The following LIPA variants were observed in gnomAD, a reference collection of about 807,000 sequenced individuals.
LIPA encodes the protein lysosomal acid lipase/cholesteryl ester hydrolase.
In LIPA, 26 loss-of-function variants were observed where a neutral mutation model predicts 40.6. The ratio of observed to expected loss-of-function variants is 0.64; its 90% confidence interval spans 0.47 to 0.89. LIPA has a LOEUF of 0.89. LIPA is among the 40% of genes least tolerant of loss of function. The pLI is 0.00. For synonymous variants in LIPA, 188 were observed against 168.4 expected (o/e 1.12, Z -0.90); for missense variants, 455 against 479.6 (o/e 0.95, Z 0.48).
chr10:89,395,473 C>T (rs1564808076), intron 2 of LIPA, among the ~76,000 whole-genome samples: 2 of 152,156 alleles, frequency 1.3e-5, no homozygotes, highest in East Asian at 1.9e-4. Context: ...TGTTATTTCA[C>T]ATACTATTTT....
chr10:89,247,320 C>T (rs1163373754), intron 2 of LIPA, among the ~76,000 whole-genome samples: 4 of 137,126 alleles, frequency 2.9e-5, no homozygotes, highest in East Asian at 4.2e-4. Context: ...CGCAATGAGC[C>T]GAGATCACAC....
intron 1 of LIPA, among the ~76,000 whole-genome samples, chr10:89,322,638 G>A (rs933943002): frequency 6.7e-6 from 1 of 149,486 alleles, no homozygotes; most frequent in African/African-American, 2.5e-5. Flanking sequence ...CAACTCTCTA[G>A]TCCAAGGAGA....
At chr10:89,407,978 G>A (rs891152353) in intron 2 of LIPA, among the ~76,000 whole-genome samples, 3 of 152,174 alleles carry the variant, frequency 2.0e-5, no homozygotes, top group African/African-American at 7.2e-5. Flanking sequence ...TCTTGGGCAA[G>A]AGGTGTTTCT....
intron 1 of LIPA, among the ~76,000 whole-genome samples, chr10:89,280,781 T>C (rs1423387348): frequency 2.0e-5 from 3 of 152,240 alleles, no homozygotes; most frequent in African/African-American, 7.2e-5. Flanking sequence ...AAAGTAGAAA[T>C]TTCTGACTAA....
intron 1 of LIPA, chr10:89,307,576 T>C (rs763281946): frequency 1.8e-5 from 9 of 504,156 alleles, no homozygotes; most frequent in Admixed American, 6.8e-5. Context: ...AGGGACCAGA[T>C]TGGGGGGTAG....
chr10:89,388,786 C>A (rs1844225750), intron 2 of LIPA, among the ~76,000 whole-genome samples: 1 of 143,580 alleles, frequency 7.0e-6, no homozygotes. Flanking sequence ...CAAAATATGC[C>A]TGAAATGTAA....
chr10:89,270,576 A>G (rs1843260591), intron 1 of LIPA, among the ~76,000 whole-genome samples: 1 of 152,206 alleles, frequency 6.6e-6, no homozygotes, highest in African/African-American at 2.4e-5. Flanking sequence ...CCACTGAAAA[A>G]GAGGCACTGA....
rs550008437 is a variant in LIPA, at chr10:89,261,894, T to C, written c.-1-14245A>G. On this transcript the variant is annotated intron_variant, in intron 1 of 5. Coordinates refer to the LIPA transcript ENST00000282673. ...CCCTATCCCTGAACAGCCCGGTTGA[T>C]TTTTTTGCCGTAACCAATCCAATTC... Among the ~76,000 whole-genome samples the C allele has an allele frequency of 3.3e-5, 5 of 152,302 alleles. No individual in the cohort carries two copies. In the East Asian group the frequency reaches 9.6e-4, roughly 29 times the overall value.
intron 1 of LIPA, among the ~76,000 whole-genome samples, chr10:89,326,436 C>G (rs1201667854): frequency 6.6e-6 from 1 of 152,024 alleles, no homozygotes; most frequent in Non-Finnish European, 1.5e-5. Flanking sequence ...TTACTAGAGG[C>G]TGGGAAGAGT....
chr10:89,330,023 A>C (rs1332835498), intron 1 of LIPA, among the ~76,000 whole-genome samples: 2 of 152,162 alleles, frequency 1.3e-5, no homozygotes, highest in Non-Finnish European at 2.9e-5. Flanking sequence ...CAGGAGAAGG[A>C]ATTTCACAAG....
chr10:89,318,352 A>C (rs1011946448), intron 1 of LIPA, among the ~76,000 whole-genome samples: 7 of 152,208 alleles, frequency 4.6e-5, no homozygotes, highest in African/African-American at 1.7e-4. Context: ...ATAGGCTAAA[A>C]ATAAAGGGAT....
intron 1 of LIPA, among the ~76,000 whole-genome samples, chr10:89,276,114 G>A (rs1843287915): frequency 6.6e-6 from 1 of 152,190 alleles, no homozygotes; most frequent in African/African-American, 2.4e-5. Flanking sequence ...GGTAAGGTAA[G>A]CAAGGCACTT....
chr10:89,226,886 C>T lies in LIPA; in HGVS notation c.538+9G>A. ...TTATATCAACTTCTGATCTTATTTA[C>T]ATACATACCTATAGTGGTGCCTTGA... is the stretch of plus-strand genomic sequence containing the variant. On this transcript the variant is annotated intron_variant, in intron 5 of 9. Coordinates refer to ENST00000336233, the MANE Select transcript of LIPA (RefSeq NM_000235.4). 4 of 1,420,642 alleles carry T rather than the reference C, an allele frequency of 2.8e-6. No individual in the cohort carries two copies. The highest frequency in any genetic ancestry group is 4.0e-6 in the Non-Finnish European group (4 of 1,004,362). The allele number at this position is 1,420,642 out of a possible 1,614,324, so 88.0% of individuals were successfully genotyped here. A position where few individuals can be genotyped will look rare whatever the true frequency, so the allele number is the denominator to read the frequency against.
chr10:89,239,676 C>T lies in LIPA; in HGVS notation c.229+6000G>A, dbSNP rs375830971. Among the ~76,000 whole-genome samples the T allele has an allele frequency of 4.7e-4, 71 of 152,324 alleles. 1 individual carries two copies. The South Asian group carries it at 0.014, about 30-fold the overall frequency. Reference sequence around the variant, plus strand: ...TAATCACTCTGATCACCAGGCAACACGAAGGCAGTAATGTGGTCTGTCTTG... The same window carrying T: ...TAATCACTCTGATCACCAGGCAACATGAAGGCAGTAATGTGGTCTGTCTTG... On this transcript the variant is annotated intron_variant, in intron 3 of 9. Transcript: ENST00000336233.
intron 2 of LIPA, among the ~76,000 whole-genome samples, chr10:89,412,229 T>C (rs1439502150): frequency 6.6e-6 from 1 of 152,196 alleles, no homozygotes; most frequent in Non-Finnish European, 1.5e-5. Flanking sequence ...TGAAGCTGGC[T>C]GGGCTTCTGG....
intron 2 of LIPA, among the ~76,000 whole-genome samples, chr10:89,381,140 T>G (rs1193437491): frequency 1.3e-5 from 2 of 152,176 alleles, no homozygotes; most frequent in African/African-American, 2.4e-5. Flanking sequence ...ATGCTGAGAT[T>G]GGGTACATAT....
chr10:89,413,845 C>A (rs916535411), intron 1 of LIPA, among the ~76,000 whole-genome samples: 3 of 151,408 alleles, frequency 2.0e-5, no homozygotes, highest in Non-Finnish European at 4.4e-5. Flanking sequence ...CAGACATTAA[C>A]TCAATAAGGG....
chr10:89,386,021 T>A (rs1370845676), intron 2 of LIPA, among the ~76,000 whole-genome samples: 1 of 152,206 alleles, frequency 6.6e-6, no homozygotes, highest in Non-Finnish European at 1.5e-5. Context: ...TGACCAAGAA[T>A]TTTTATAATT....
At chr10:89,347,905 G>C (rs1410682337) in intron 2 of LIPA, among the ~76,000 whole-genome samples, 1 of 152,172 alleles carries the variant, frequency 6.6e-6, no homozygotes, top group Non-Finnish European at 1.5e-5. Context: ...GCCCAAGCGG[G>C]ACATGCCTTA....
Sources: gnomAD v4.1 joint callset for allele counts (sites outside exome capture counted in the v4.1 genomes callset) on GRCh38, gnomAD v4.1.1 for gene constraint, MANE v1.5 for transcripts, NCBI Gene and HGNC (gene_info 2026-07-23, HGNC 2026-07-21) for gene names.